The following KIAA1217 variants were observed in gnomAD, a reference collection of about 807,000 sequenced individuals.
KIAA1217 encodes the protein KIAA1217, also known as sickle tail protein homolog.
In KIAA1217, 88 loss-of-function variants were observed where a neutral mutation model predicts 163.9. The ratio of observed to expected loss-of-function variants is 0.54; its 90% CI spans 0.45 to 0.64. The LOEUF is 0.64. KIAA1217 is among the 30% of genes least tolerant of loss of function. The probability of loss-of-function intolerance (pLI) is 0.00; values close to 1 mark genes in which losing one functional copy is unlikely to be tolerated. For missense variants in KIAA1217, 2,372 were observed against 2,475.0 expected (o/e 0.96, Z 0.88); for synonymous variants, 903 against 923.1 (o/e 0.98, Z 0.39).
intron 2 of KIAA1217, among the ~76,000 whole-genome samples, chr10:24,186,304 A>G (rs2066425735): frequency 6.6e-6 from 1 of 152,188 alleles, no homozygotes; most frequent in Non-Finnish European, 1.5e-5. Flanking sequence ...CTGGTTTTAT[A>G]CTTGGATGAC....
intron 2 of KIAA1217, among the ~76,000 whole-genome samples, chr10:24,364,196 C>A (rs61848090): frequency 0.016 from 2,449 of 152,006 alleles, 40 homozygotes; most frequent in Non-Finnish European, 0.026. Context: ...CCAGGCTGGT[C>A]TCGAACTCCT....
intron 2 of KIAA1217, among the ~76,000 whole-genome samples, chr10:24,189,504 C>A (rs913461490): frequency 6.6e-6 from 1 of 152,130 alleles, no homozygotes; most frequent in Non-Finnish European, 1.5e-5. Flanking sequence ...CACTTTTACC[C>A]ATGCAGAGGA....
At chr10:23,805,701 A>C (rs942282817) in intron 1 of KIAA1217, among the ~76,000 whole-genome samples, 5 of 152,158 alleles carry the variant, frequency 3.3e-5, no homozygotes, top group Non-Finnish European at 7.3e-5. Context: ...TTCTCAGGAC[A>C]TAGAAAGCAC....
At chr10:24,070,619 GAAGAAACCCAAAAGTTAA>G (rs2061150254) in intron 2 of KIAA1217, among the ~76,000 whole-genome samples, 1 of 152,128 alleles carries the variant, frequency 6.6e-6, no homozygotes, top group Non-Finnish European at 1.5e-5. Flanking sequence ...CTTGCTTCTT[GAAGAAACCCAAAAGTTAA>G]AAGTCTCAGG....
chr10:24,433,949 A>G (rs987866815), intron 4 of KIAA1217, among the ~76,000 whole-genome samples: 2 of 151,040 alleles, frequency 1.3e-5, no homozygotes, highest in African/African-American at 4.9e-5. Context: ...ATTAAGCTAA[A>G]TGGACTCCTG....
chr10:23,733,366 A>G (rs1838590118), intron 1 of KIAA1217, among the ~76,000 whole-genome samples: 1 of 152,186 alleles, frequency 6.6e-6, no homozygotes, highest in South Asian at 2.1e-4. Flanking sequence ...AAATTCTTTG[A>G]TAAATCGCTT....
chr10:23,696,180 C>T (rs1836024033), intron 1 of KIAA1217, among the ~76,000 whole-genome samples: 1 of 152,246 alleles, frequency 6.6e-6, no homozygotes, highest in South Asian at 2.1e-4. Flanking sequence ...TCTTCTTTAA[C>T]TGACCCTACT....
At chr10:24,115,412 G>A (rs192858312) in intron 2 of KIAA1217, among the ~76,000 whole-genome samples, 1 of 152,170 alleles carries the variant, frequency 6.6e-6, no homozygotes, top group Non-Finnish European at 1.5e-5. Context: ...AAGGCAACTG[G>A]CAGTCATCAA....
intron 1 of KIAA1217, among the ~76,000 whole-genome samples, chr10:23,805,047 G>A (rs1836668504): frequency 2.0e-5 from 3 of 152,166 alleles, no homozygotes; most frequent in Admixed American, 1.3e-4. Context: ...CTTATAAATT[G>A]TTGGTGGGAG....
At chr10:23,885,725 A>G (rs1332349789) in intron 1 of KIAA1217, among the ~76,000 whole-genome samples, 3 of 152,078 alleles carry the variant, frequency 2.0e-5, no homozygotes, top group East Asian at 2.0e-4. Context: ...AGCCAGGGAC[A>G]CGTGGCAGTC....
chr10:24,126,796 T>C (rs1280583938), intron 2 of KIAA1217, among the ~76,000 whole-genome samples: 3 of 151,932 alleles, frequency 2.0e-5, no homozygotes, highest in African/African-American at 7.3e-5. Flanking sequence ...GGTGCCCATT[T>C]ATTTGGACAC....
At chr10:24,400,958 AACAT>A (rs2056455206) in intron 3 of KIAA1217, among the ~76,000 whole-genome samples, 1 of 89,844 alleles carries the variant, frequency 1.1e-5, no homozygotes, top group African/African-American at 1.3e-4. Flanking sequence ...CCAAGCAAGA[AACAT>A]ACACACACAC....
intron 2 of KIAA1217, among the ~76,000 whole-genome samples, chr10:24,329,923 A>G (rs1246245551): frequency 2.6e-5 from 4 of 152,134 alleles, no homozygotes; most frequent in Non-Finnish European, 4.4e-5. Context: ...GAGGCAAGAA[A>G]ATCTCTATTC....
chr10:24,402,535 A>C (rs1420149336), intron 3 of KIAA1217, among the ~76,000 whole-genome samples: 4 of 150,996 alleles, frequency 2.6e-5, no homozygotes, highest in Non-Finnish European at 5.9e-5. Context: ...AAACAAAAAA[A>C]AAAAAAAGGC....
At chr10:23,825,778 G>A (rs1344374062) in intron 1 of KIAA1217, among the ~76,000 whole-genome samples, 1 of 152,152 alleles carries the variant, frequency 6.6e-6, no homozygotes, top group Non-Finnish European at 1.5e-5. Flanking sequence ...GGTAAAACGT[G>A]GATTTTTGAG....
At chr10:24,544,893 G>T in intron 19 of KIAA1217, 88 bp from the exon 20 acceptor site, 3 of 1,440,358 alleles carry the variant, frequency 2.1e-6, no homozygotes, top group Non-Finnish European at 2.9e-6. Flanking sequence ...CTCACCTTGA[G>T]CTTCTCTGCA....
intron 1 of KIAA1217, among the ~76,000 whole-genome samples, chr10:23,778,088 T>A (rs1835086008): frequency 6.6e-6 from 1 of 152,118 alleles, no homozygotes; most frequent in African/African-American, 2.4e-5. Flanking sequence ...ATTATGGGTG[T>A]GCACCACCAT....
rs181740059 is a variant in KIAA1217, at chr10:24,532,024, C to T, written c.3246+31C>T. 12 of 1,466,506 alleles carry T rather than the reference C, an allele frequency of 8.2e-6. No homozygotes were observed. The African/African-American group carries it at 1.1e-4, about 14-fold the overall frequency. 90.8% of individuals were successfully genotyped at this position (1,466,506 alleles called of 1,614,324 possible). A position where few individuals can be genotyped will look rare whatever the true frequency, so the allele number is the denominator to read the frequency against. On this transcript the variant is annotated intron_variant, in intron 15 of 20. Transcript: ENST00000376454. Reference sequence around the variant, plus strand: ...ATAGGCTAAGCCCTGGTAAACTGGCCTCTGGGTTCAGATGATACCCTTAGA... The same window carrying T: ...ATAGGCTAAGCCCTGGTAAACTGGCTTCTGGGTTCAGATGATACCCTTAGA...
Position 23,985,764 on chromosome 10 carries a change from T to C in KIAA1217, c.-320-21461T>C, listed in dbSNP as rs560752825. ...AGGTTGGATTCAAGTCTGCTGCATGTTTCCTTATTCTCCTTGGTCCAATGG... is the reference window on the plus strand; with the variant it reads ...AGGTTGGATTCAAGTCTGCTGCATGCTTCCTTATTCTCCTTGGTCCAATGG... On this transcript the variant is annotated intron_variant, in intron 1 of 18. Transcript: ENST00000376462. Among the ~76,000 whole-genome samples, 243 of 152,340 alleles carry C rather than the reference T, an allele frequency of 1.6e-3. 1 individual carries two copies. Among genetic ancestry groups the C allele is most frequent in the African/African-American group, 5.7e-3 (237 of 41,584 alleles).
Sources: gnomAD v4.1 joint callset for allele counts (sites outside exome capture counted in the v4.1 genomes callset) on GRCh38, gnomAD v4.1.1 for gene constraint, MANE v1.5 for transcripts, NCBI Gene and HGNC (gene_info 2026-07-23, HGNC 2026-07-21) for gene names.